The following RAB11FIP3 variants were observed in gnomAD, a reference collection of about 807,000 sequenced individuals.
RAB11FIP3 encodes rab11 family-interacting protein 3.
In RAB11FIP3, 17 loss-of-function variants were observed where a neutral mutation model predicts 77.8. That is an observed-to-expected ratio of 0.22 (90% CI 0.15 to 0.33). The LOEUF (loss-of-function observed/expected upper bound fraction) is 0.33. RAB11FIP3 is among the 10% of genes least tolerant of loss of function. The pLI, the probability that RAB11FIP3 is intolerant of heterozygous loss-of-function variation, is 1.00. For missense variants in RAB11FIP3, 1,005 were observed against 1,011.2 expected (o/e 0.99, Z 0.08); for synonymous variants, 437 against 448.2 (o/e 0.98, Z 0.31).
At chr16:491,694 G>A (rs1437891086) in intron 5 of RAB11FIP3, among the ~76,000 whole-genome samples, 1 of 152,198 alleles carries the variant, frequency 6.6e-6, no homozygotes, top group Non-Finnish European at 1.5e-5. Context: ...AGCGTGTGAG[G>A]GAGCTCACTG....
chr16:493,193 G>A (rs1012108436), intron 5 of RAB11FIP3, among the ~76,000 whole-genome samples: 1 of 149,536 alleles, frequency 6.7e-6, no homozygotes, highest in Non-Finnish European at 1.5e-5. Context: ...GGAGGCTGTG[G>A]TGAGCCAACA....
At chr16:479,047 A>G (rs984730198) in intron 3 of RAB11FIP3, among the ~76,000 whole-genome samples, 3 of 152,340 alleles carry the variant, frequency 2.0e-5, no homozygotes, top group South Asian at 2.1e-4. Flanking sequence ...ATGATCCACA[A>G]ATATTTACTA....
intron 1 of RAB11FIP3, among the ~76,000 whole-genome samples, chr16:431,943 G>C (rs772060666): frequency 2.6e-5 from 4 of 151,884 alleles, no homozygotes; most frequent in Non-Finnish European, 5.9e-5. Context: ...ATTTTTATTA[G>C]AGATGAGGTT....
chr16:462,564 G>A (rs1308019389), intron 2 of RAB11FIP3, among the ~76,000 whole-genome samples: 1 of 141,336 alleles, frequency 7.1e-6, no homozygotes, highest in Non-Finnish European at 1.5e-5. Context: ...TTGAGGGTTC[G>A]CGTGCTCTCA....
At chr16:489,516 G>A (rs2029979792) in intron 5 of RAB11FIP3, among the ~76,000 whole-genome samples, 3 of 152,186 alleles carry the variant, frequency 2.0e-5, no homozygotes, top group Non-Finnish European at 4.4e-5. Flanking sequence ...CCGAACATGG[G>A]GGTCTGGGTA....
At chr16:454,059 G>A (rs755599130) in intron 1 of RAB11FIP3, among the ~76,000 whole-genome samples, 4 of 152,148 alleles carry the variant, frequency 2.6e-5, no homozygotes, top group Non-Finnish European at 5.9e-5. Flanking sequence ...GACATGAGAT[G>A]TACTCAAATG....
intron 4 of RAB11FIP3, among the ~76,000 whole-genome samples, chr16:484,612 C>T (rs540599660): frequency 2.6e-5 from 4 of 152,340 alleles, no homozygotes; most frequent in South Asian, 4.1e-4. Context: ...CTCGGCCTCC[C>T]GAAGTGCTGG....
rs570020927 is a variant in RAB11FIP3, at chr16:472,339, C to T, written c.903+950C>T. ...TGCCTTACGGCGGTGTCCCAGTTAT[C>T]AGCTGGGCTGCAGCTTCTGGGGCCA... On this transcript the variant is annotated intron_variant, in intron 3 of 13. Coordinates refer to ENST00000262305, the MANE Select transcript of RAB11FIP3 (RefSeq NM_014700.4). This position sits in a 1 kb window ranked among gnomAD's most constrained non-coding sequence, Gnocchi z 4.1. Among the ~76,000 whole-genome samples the T allele has an allele frequency of 2.0e-5, 3 of 152,360 alleles. No individual in the cohort carries two copies. In the East Asian group the frequency reaches 5.8e-4, roughly 29 times the overall value.
At chr16:473,950 G>A (rs2055854753) in intron 3 of RAB11FIP3, among the ~76,000 whole-genome samples, 1 of 152,104 alleles carries the variant, frequency 6.6e-6, no homozygotes, top group South Asian at 2.1e-4. Flanking sequence ...CTGGCATGCA[G>A]CCTTTTCAGA....
At chr16:458,683 G>A (rs1393895730) in intron 1 of RAB11FIP3, among the ~76,000 whole-genome samples, 1 of 152,192 alleles carries the variant, frequency 6.6e-6, no homozygotes, top group African/African-American at 2.4e-5. Flanking sequence ...TACAGCCAGG[G>A]CTCCTGCCAG....
Position 461,939 on chromosome 16 carries a change from C to G in RAB11FIP3, c.808+442C>G, listed in dbSNP as rs765028621. ...GATGTGTTTGTAATCAGCATGCTTC[C>G]GCGCACACCGCCCTGAACACTGCAG... On this transcript the variant is annotated intron_variant, in intron 2 of 13. Transcript: ENST00000262305. This position sits in a 1 kb window ranked among gnomAD's most constrained non-coding sequence, Gnocchi z 4.5. Among the ~76,000 whole-genome samples the G allele has an allele frequency of 1.3e-5, 2 of 152,174 alleles. No homozygotes were observed. The highest frequency in any genetic ancestry group is 4.8e-5 in the African/African-American group (2 of 41,448).
rs184930956 is a variant in RAB11FIP3, at chr16:443,766, A to G, written c.714+17046A>G. Among the ~76,000 whole-genome samples, 425 of 152,260 alleles carry G rather than the reference A, an allele frequency of 2.8e-3. 3 individuals carry two copies. Among genetic ancestry groups the G allele is most frequent in the African/African-American group, 7.3e-3 (303 of 41,548 alleles). On this transcript the variant is annotated intron_variant, in intron 1 of 13. Coordinates refer to ENST00000262305, the MANE Select transcript of RAB11FIP3 (RefSeq NM_014700.4). ...CTTTTAGTAGAGACGGGGTTTCACC[A>G]TGTTAGCCAGGATGATCTAGATCTC...
intron 5 of RAB11FIP3, among the ~76,000 whole-genome samples, chr16:495,893 G>C (rs1265743230): frequency 6.6e-6 from 1 of 152,176 alleles, no homozygotes; most frequent in Non-Finnish European, 1.5e-5. Context: ...TGGGATTACA[G>C]GCATGCGCCA....
In RAB11FIP3 at chr16:514,356, C is replaced by T. The variant is rs1328206881; in HGVS notation, c.1640+3556C>T. Among the ~76,000 whole-genome samples the T allele has an allele frequency of 6.6e-6, 1 of 152,246 alleles. No individual in the cohort carries two copies. Among genetic ancestry groups the T allele is most frequent in the Non-Finnish European group, 1.5e-5 (1 of 68,048 alleles). On this transcript the variant is annotated intron_variant, in intron 9 of 13. Transcript: ENST00000262305. This position sits in a 1 kb window ranked among gnomAD's most constrained non-coding sequence, Gnocchi z 4.6. ...AGGAAGACCCTGGTCAGTGCAAAGA[C>T]ACTGTCTCAGTCCGGGGTCCTCAGG...
In RAB11FIP3 at chr16:426,235, G is replaced by A; in HGVS notation, c.229G>A (p.Gly77Arg). The change falls in exon 1 of 14, where the codon GGG (glycine) becomes AGG (arginine). Residue 77 changes from glycine to arginine, a missense_variant. By Grantham distance (125) the Gly-to-Arg change is moderately radical. This residue lies in a region of RAB11FIP3 where 466 missense variants were observed against 408.3 expected (regional missense o/e 1.14). Transcript: ENST00000262305. This position sits in a 1 kb window ranked among gnomAD's most constrained non-coding sequence, Gnocchi z 5.0. ...GCGTTGGAGCGCCGGGCCGGCCCCGGGGCTGGAGGGAGGCCCGCGAGACCC... is the reference window on the plus strand; with the variant it reads ...GCGTTGGAGCGCCGGGCCGGCCCCGAGGCTGGAGGGAGGCCCGCGAGACCC... Reference protein sequence around the residue: ...GARWSAGPAPGLEGGPRDPGP... With the variant: ...GARWSAGPAPRLEGGPRDPGP... The A allele has an allele frequency of 9.4e-7, 1 of 1,068,864 alleles. No homozygotes were observed. Among genetic ancestry groups the A allele is most frequent in the Non-Finnish European group, 1.1e-6 (1 of 885,552 alleles). The allele number at this position is 1,068,864 out of a possible 1,614,324, so 66.2% of individuals were successfully genotyped here. A position where few individuals can be genotyped will look rare whatever the true frequency, so the allele number is the denominator to read the frequency against.
rs556758435 is a variant in RAB11FIP3, at chr16:463,595, C to A, written c.808+2098C>A. Among the ~76,000 whole-genome samples the A allele has an allele frequency of 2.0e-5, 3 of 152,118 alleles. No individual in the cohort carries two copies. In the South Asian group the frequency reaches 6.2e-4, roughly 32 times the overall value. ...CTGGGATTACAGGCATGTGCCATTG[C>A]GCCCAGCTAATTTTGTATTTTTAGT... On this transcript the variant is annotated intron_variant, in intron 2 of 13. Transcript: ENST00000262305.
Position 443,234 on chromosome 16 carries a change from C to T in RAB11FIP3, c.714+16514C>T, listed in dbSNP as rs1046512668. On this transcript the variant is annotated intron_variant, in intron 1 of 13. Transcript: ENST00000262305. ...GCAGGAGGAGTCTTGGCATTTGGAA[C>T]GGGTAAATCAAGAACCTGCTCTTGT... Among the ~76,000 whole-genome samples the T allele has an allele frequency of 8.5e-5, 13 of 152,192 alleles. No individual in the cohort carries two copies. In the East Asian group the frequency reaches 1.7e-3, roughly 20 times the overall value.
intron 1 of RAB11FIP3, among the ~76,000 whole-genome samples, chr16:441,571 G>T (rs1049653285): frequency 6.6e-6 from 1 of 152,136 alleles, no homozygotes; most frequent in Admixed American, 6.6e-5. Context: ...GTACTCTGTC[G>T]TTGCCTCTCT....
chr16:439,224 TTAAG>T (rs1310427980), intron 1 of RAB11FIP3: 2 of 152,224 alleles, frequency 1.3e-5, no homozygotes, highest in African/African-American at 4.8e-5. Flanking sequence ...AATAAATTCT[TTAAG>T]TAGGTACAGT....
Sources: allele counts gnomAD v4.1 joint callset (sites outside exome capture counted in the v4.1 genomes callset), GRCh38; gene constraint gnomAD v4.1.1; regional missense constraint gnomAD v4.1.1; non-coding constraint Gnocchi (gnomAD v3.1); transcripts MANE v1.5; gene names NCBI Gene and HGNC (gene_info 2026-07-23, HGNC 2026-07-21).